The following BMX variants were observed in gnomAD, a reference collection of about 807,000 sequenced individuals.
The protein encoded by BMX is BMX non-receptor tyrosine kinase, also known as cytoplasmic tyrosine-protein kinase BMX.
Under a neutral mutation model 59.2 loss-of-function variants are expected in BMX, and 31 were observed. The ratio of observed to expected loss-of-function variants is 0.52; its 90% CI spans 0.39 to 0.71. The LOEUF is 0.71. Ranked by LOEUF, BMX falls within the 30% of genes least tolerant of loss-of-function variation. BMX has a pLI of 0.00. For synonymous variants in BMX, 185 were observed against 181.0 expected, an observed-to-expected ratio of 1.02 and a Z score of -0.18; for missense variants, 474 against 491.7, an observed-to-expected ratio of 0.96 and a Z score of 0.34.
At chrX:15,527,881 A>G (rs1294882302) in intron 9 of BMX, among the ~76,000 whole-genome samples, 1 of 112,320 alleles carries the variant, frequency 8.9e-6, no homozygotes, top group East Asian at 2.8e-4. Flanking sequence ...GGAATAATTC[A>G]TACTAAGACA....
chrX:15,520,192 G>C (rs1297568478), intron 6 of BMX, among the ~76,000 whole-genome samples: 1 of 112,425 alleles, frequency 8.9e-6, no homozygotes, highest in Admixed American at 9.4e-5. Flanking sequence ...TGTCATGGTA[G>C]CCCTAGGAAA....
chrX:15,502,816 C>T (rs774988154), intron 1 of BMX, among the ~76,000 whole-genome samples: 17 of 111,671 alleles, frequency 1.5e-4, no homozygotes, highest in Admixed American at 1.9e-4. Flanking sequence ...TTATTTAGCA[C>T]GAAGATAAGC....
At chrX:15,507,277 CT>C (rs764901315) in intron 1 of BMX, 44 of 700,165 alleles carry the variant, frequency 6.3e-5, no homozygotes, top group Non-Finnish European at 7.1e-5. Flanking sequence ...CAAATATCTT[CT>C]TTTTAATGCA....
intron 18 of BMX, among the ~76,000 whole-genome samples, chrX:15,550,361 C>T (rs1277518208): frequency 9.0e-6 from 1 of 110,723 alleles, no homozygotes; most frequent in Non-Finnish European, 1.9e-5. Context: ...CTAGCTAGTG[C>T]CAGCGTCCCT....
At chrX:15,505,341 G>A (rs1046988306) in intron 1 of BMX, among the ~76,000 whole-genome samples, 1 of 111,915 alleles carries the variant, frequency 8.9e-6, no homozygotes, top group Non-Finnish European at 1.9e-5. Flanking sequence ...CTTCAAGACT[G>A]TTAGGAAGCC....
chrX:15,537,634 C>T (rs1925433267), intron 14 of BMX, among the ~76,000 whole-genome samples: 2 of 111,323 alleles, frequency 1.8e-5, no homozygotes, highest in African/African-American at 6.5e-5. Flanking sequence ...CTCCGTCCTG[C>T]ACTATAAGGG....
chrX:15,522,843 C>T (rs954331969), intron 7 of BMX, among the ~76,000 whole-genome samples: 14 of 112,021 alleles, frequency 1.2e-4, no homozygotes, highest in Non-Finnish European at 2.6e-4. Flanking sequence ...TCCTCCTTCT[C>T]CCCCCAAATA....
intron 11 of BMX, among the ~76,000 whole-genome samples, chrX:15,533,607 A>G (rs1925188612): frequency 8.9e-6 from 1 of 112,485 alleles, no homozygotes; most frequent in East Asian, 2.8e-4. Flanking sequence ...AGACAGGTGT[A>G]TTATTCCTGA....
chrX:15,540,956 C>T (rs929778000), intron 14 of BMX, among the ~76,000 whole-genome samples: 1 of 109,706 alleles, frequency 9.1e-6, no homozygotes, highest in African/African-American at 3.3e-5. Context: ...AGTTCGGGAG[C>T]CTGTCTGGAG....
intron 1 of BMX, chrX:15,507,521 C>A: frequency 4.1e-6 from 1 of 246,176 alleles, no homozygotes; most frequent in Non-Finnish European, 5.7e-6. Context: ...AAGTTTGTTT[C>A]TCTGGCCTAC....
intron 12 of BMX, among the ~76,000 whole-genome samples, chrX:15,535,541 GTTTA>G (rs1242877443): frequency 9.0e-6 from 1 of 111,730 alleles, no homozygotes; most frequent in African/African-American, 3.2e-5. Flanking sequence ...ATATTAAGAT[GTTTA>G]TTTATATTTG....
intron 4 of BMX, among the ~76,000 whole-genome samples, chrX:15,512,054 T>G (rs965404871): frequency 5.3e-5 from 6 of 112,211 alleles, no homozygotes; most frequent in African/African-American, 1.9e-4. Context: ...ACATGGCCAC[T>G]GTCATAGATA....
intron 10 of BMX, among the ~76,000 whole-genome samples, chrX:15,530,352 C>T (rs1925007989): frequency 9.0e-6 from 1 of 111,549 alleles, no homozygotes; most frequent in Admixed American, 9.5e-5. Context: ...GCATTTGGGT[C>T]GTGGATTGAC....
At chrX:15,511,332 A>G (rs1281435906) in intron 3 of BMX, 105 bp from the exon 4 acceptor site, 2 of 597,002 alleles carry the variant, frequency 3.4e-6, no homozygotes, top group African/African-American at 4.6e-5. Context: ...TGTATACTGT[A>G]TAAGCAAACT....
chrX:15,527,671 A>G (rs752364959), intron 9 of BMX, among the ~76,000 whole-genome samples: 1 of 111,634 alleles, frequency 9.0e-6, no homozygotes, highest in South Asian at 3.8e-4. Context: ...TACATGTGAA[A>G]CGAGAGCTTT....
intron 18 of BMX, 35 bp from the exon 19 acceptor site, chrX:15,556,038 T>C: frequency 8.7e-7 from 1 of 1,149,581 alleles, no homozygotes; most frequent in Non-Finnish European, 1.2e-6. Context: ...ACTCTCATCA[T>C]CTAAAACATT....
At chrX:15,534,174 G>A (rs375509001) in intron 11 of BMX, 38 bp from the exon 12 acceptor site, 3 of 1,084,121 alleles carry the variant, frequency 2.8e-6, no homozygotes, top group East Asian at 3.4e-5. Context: ...AAGCTTTATT[G>A]TTTATTTTAA....
rs941298434 is a variant in BMX at position 15,504,107 on chromosome X, C to G, written c.-10+3167C>G. On this transcript the variant is annotated intron_variant, in intron 1 of 18. Coordinates refer to ENST00000348343, the MANE Select transcript of BMX (RefSeq NM_203281.3). The stretch of plus-strand genomic sequence containing the variant: ...CTTCAAAGTCTAATTTCAATGTGCT[C>G]CCTTCTAAAATACCTTACTTGGCTA... Among the ~76,000 whole-genome samples, 5 of 111,917 alleles carry G rather than the reference C, an allele frequency of 4.5e-5. No individual in the cohort carries two copies. The South Asian group carries it at 1.1e-3, about 25-fold the overall frequency.
Position 15,536,487 on chromosome X carries a change from T to C in BMX, c.1222+60T>C, listed in dbSNP as rs752597687. On this transcript the variant is annotated intron_variant, in intron 13 of 18. Transcript: ENST00000348343. ...TTCCATCATTTTTTATTTAAATATA[T>C]GGTTAATTTACTGGCAAAAAAAAAA... 13 of 916,632 alleles carry C rather than the reference T, an allele frequency of 1.4e-5. No individual in the cohort carries two copies. In the East Asian group the frequency reaches 4.0e-4, roughly 29 times the overall value. 75.5% of individuals were successfully genotyped at this position (916,632 alleles called of 1,213,427 possible).
Sources: gnomAD v4.1 joint callset for allele counts (sites outside exome capture counted in the v4.1 genomes callset) on GRCh38, gnomAD v4.1.1 for gene constraint, MANE v1.5 for transcripts, NCBI Gene and HGNC (gene_info 2026-07-23, HGNC 2026-07-21) for gene names.